Variants in MICAL2 observed in about 807,000 individuals in gnomAD.
MICAL2 encodes the protein [F-actin]-monooxygenase MICAL2.
Under a neutral mutation model 127.3 loss-of-function variants are expected in MICAL2, and 77 were observed. The observed-to-expected ratio is 0.60, with a 90% CI of 0.50 to 0.73. The LOEUF (loss-of-function observed/expected upper bound fraction) is 0.73, where lower values mean the gene tolerates loss of function less well. MICAL2 is among the 30% of genes least tolerant of loss of function. The pLI is 0.00. For synonymous variants in MICAL2, 570 were observed against 551.1 expected (o/e 1.03, Z -0.48); for missense variants, 1,351 against 1,434.4 (o/e 0.94, Z 0.94).
chr11:12,208,496 T>C (rs1420542790), intron 5 of MICAL2: 1 of 212,440 alleles, frequency 4.7e-6, no homozygotes. Flanking sequence ...GTTTAACACA[T>C]AGATGTGGTT....
chr11:12,326,451 G>T (rs1322716959), intron 31 of MICAL2, among the ~76,000 whole-genome samples: 1 of 152,160 alleles, frequency 6.6e-6, no homozygotes, highest in Non-Finnish European at 1.5e-5. Context: ...TGCAAATAAA[G>T]TCATGACCCC....
At chr11:12,263,849 T>C (rs999704118), downstream of MICAL2, 1 of 152,582 alleles carries the variant, frequency 6.6e-6, no homozygotes, top group Non-Finnish European at 1.5e-5. Context: ...GGGATTGGTG[T>C]AGGGGGTTCA....
intron 10 of MICAL2, 60 bp downstream of exon 10, chr11:12,221,819 CA>C: frequency 7.4e-7 from 1 of 1,358,490 alleles, no homozygotes; most frequent in South Asian, 1.2e-5. Flanking sequence ...GGAAAGGGGG[CA>C]AGATCACCCC....
chr11:12,221,909 G>A (rs1213635749), intron 10 of MICAL2, 150 bp downstream of exon 10: 2 of 584,198 alleles, frequency 3.4e-6, no homozygotes, highest in African/African-American at 1.9e-5. Flanking sequence ...TTGATCATCA[G>A]CATCCCCAAG....
At chr11:12,305,843 A>G (rs1015003631) in intron 29 of MICAL2, among the ~76,000 whole-genome samples, 2 of 152,206 alleles carry the variant, frequency 1.3e-5, no homozygotes, top group African/African-American at 2.4e-5. Context: ...TTTTCATTAG[A>G]TATTTTCCCA....
intron 1 of MICAL2, among the ~76,000 whole-genome samples, chr11:12,119,388 G>A (rs934610599): frequency 4.6e-5 from 7 of 152,208 alleles, no homozygotes; most frequent in Admixed American, 3.9e-4. Context: ...ATTCTTCATC[G>A]CTCTTATGCT....
At chr11:12,360,185 C>T (rs895561371), downstream of MICAL2, among the ~76,000 whole-genome samples, 1 of 60,648 alleles carries the variant, frequency 1.6e-5, no homozygotes, top group African/African-American at 2.9e-5. Context: ...TGAGGAGGCA[C>T]CTACCTACCT....
At position 12,184,857 on chromosome 11, in the gene MICAL2, G is replaced by A. The variant is rs112142302; in HGVS notation, c.265-19393G>A. On this transcript the variant is annotated intron_variant, in intron 3 of 27. Transcript: ENST00000683283. ...AAGGAACTGTCAGCTCAGCTGCCTT[G>A]TGCTCAGAATCTCTCTAGTTAGCCA... Among the ~76,000 whole-genome samples, 612 of 151,554 alleles carry A rather than the reference G, an allele frequency of 4.0e-3. 4 individuals carry two copies. The highest frequency in any genetic ancestry group is 0.014 in the African/African-American group (586 of 41,270).
chr11:12,261,436 T>C (rs1298565160), intron 26 of MICAL2: 1 of 985,348 alleles, frequency 1.0e-6, no homozygotes, highest in African/African-American at 1.7e-5. Context: ...ACTCTGGGTA[T>C]CTAGAAGAGT....
chr11:12,312,708 T>A (rs1310519953), intron 29 of MICAL2, among the ~76,000 whole-genome samples: 1 of 152,176 alleles, frequency 6.6e-6, no homozygotes. Flanking sequence ...CAACAAAATA[T>A]GGATTGTCAT....
chr11:12,223,983 G>A (rs1857119809), intron 12 of MICAL2, among the ~76,000 whole-genome samples: 1 of 152,108 alleles, frequency 6.6e-6, no homozygotes. Context: ...CTCCTGCTTA[G>A]AGACCTCTTT....
intron 1 of MICAL2, among the ~76,000 whole-genome samples, chr11:12,126,483 G>GA (rs1292485064): frequency 6.6e-6 from 1 of 152,136 alleles, no homozygotes. Context: ...TGGCTCTGAA[G>GA]AAAAAATGCA....
Position 12,262,493 on chromosome 11 carries a change from T to C in MICAL2, c.3348T>C (p.Leu1116=), listed in dbSNP as rs777145677. ...CATGGCCATCAGTTCATTTCAGCCT[T>C]CCAGTGCTACACCCACTTCTTGGCT... ...LEGSPPVHFS[L]PVLHPLLG The change falls in exon 27 of 28, where the codon CTT becomes CTC. Residue 1116 remains leucine, a synonymous_variant. Transcript: ENST00000683283. 3.7e-6 allele frequency: 6 copies of C among 1,613,876 alleles called. No individual in the cohort carries two copies. Among genetic ancestry groups the C allele is most frequent in the Non-Finnish European group, 4.2e-6 (5 of 1,180,006 alleles).
At chr11:12,293,733 A>G (rs1863934587), downstream of MICAL2, 1 of 1,613,904 alleles carries the variant, frequency 6.2e-7, no homozygotes, top group East Asian at 2.2e-5. Flanking sequence ...CCTGGTGAAG[A>G]TGGCCTCTCA....
intron 20 of MICAL2, among the ~76,000 whole-genome samples, chr11:12,243,575 C>T (rs759125180): frequency 3.3e-5 from 5 of 152,200 alleles, no homozygotes; most frequent in Admixed American, 3.3e-4. Context: ...AGGAGGCTAG[C>T]ACAGTTGCTT....
At chr11:12,111,824 A>G (rs1406457641) in intron 1 of MICAL2, among the ~76,000 whole-genome samples, 1 of 152,126 alleles carries the variant, frequency 6.6e-6, no homozygotes, top group Admixed American at 6.5e-5. Context: ...GTTCCCTGAC[A>G]CCTGCACTTA....
chr11:12,121,158 C>A (rs1850473951), intron 1 of MICAL2, among the ~76,000 whole-genome samples: 1 of 152,230 alleles, frequency 6.6e-6, no homozygotes, highest in African/African-American at 2.4e-5. Flanking sequence ...GCTGTCTGAG[C>A]TTTGGTGGCT....
chr11:12,216,142 T>C (rs1590396328), intron 7 of MICAL2, 77 bp from the exon 8 acceptor site: 1 of 1,079,578 alleles, frequency 9.3e-7, no homozygotes, highest in East Asian at 2.4e-5. Flanking sequence ...AGACCAATAG[T>C]GAGGCAAAGT....
intron 15 of MICAL2, among the ~76,000 whole-genome samples, chr11:12,231,436 T>A (rs1484001253): frequency 6.6e-6 from 1 of 152,020 alleles, no homozygotes; most frequent in East Asian, 1.9e-4. Flanking sequence ...GTGGTCCAGG[T>A]CCCCCTCCCC....
Sources: gnomAD v4.1 joint callset for allele counts (sites outside exome capture counted in the v4.1 genomes callset) on GRCh38, gnomAD v4.1.1 for gene constraint, MANE v1.5 for transcripts, NCBI Gene and HGNC (gene_info 2026-07-23, HGNC 2026-07-21) for gene names.